NLGN1: variants seen among roughly 807,000 people sequenced by gnomAD.
The protein encoded by NLGN1 is neuroligin-1.
In NLGN1, 12 loss-of-function variants were observed where a neutral mutation model predicts 65.5. The observed-to-expected ratio is 0.18, with a 90% CI of 0.12 to 0.30. The LOEUF (loss-of-function observed/expected upper bound fraction) is 0.30. Among genes scored for constraint, NLGN1 ranks in the 10% least tolerant of loss-of-function variants. NLGN1 has a pLI of 1.00. For missense variants in NLGN1, 750 were observed against 1,007.1 expected (o/e 0.74, Z 3.46); for synonymous variants, 350 against 359.5 (o/e 0.97, Z 0.30).
chr3:173,916,755 A>G (rs1410108862), intron 4 of NLGN1, among the ~76,000 whole-genome samples: 1 of 152,180 alleles, frequency 6.6e-6, no homozygotes, highest in Admixed American at 6.5e-5. Flanking sequence ...GTTCTAGTTT[A>G]TCCATAAAGA....
At chr3:173,437,337 C>T (rs1488474122) in intron 2 of NLGN1, among the ~76,000 whole-genome samples, 1 of 152,170 alleles carries the variant, frequency 6.6e-6, no homozygotes, top group Non-Finnish European at 1.5e-5. Context: ...AGGACTTGGT[C>T]ATCTACTGTA....
chr3:173,595,904 A>C (rs1445184642), intron 2 of NLGN1, among the ~76,000 whole-genome samples: 2 of 152,212 alleles, frequency 1.3e-5, no homozygotes, highest in Admixed American at 1.3e-4. Context: ...CCCATGATTC[A>C]AATTATCTCC....
At chr3:173,450,668 G>T (rs564139332) in intron 2 of NLGN1, among the ~76,000 whole-genome samples, 1 of 152,154 alleles carries the variant, frequency 6.6e-6, no homozygotes, top group Non-Finnish European at 1.5e-5. Context: ...TTCCAACTTG[G>T]TTCCATTCTC....
chr3:173,834,489 T>C (rs539445622), intron 4 of NLGN1, among the ~76,000 whole-genome samples: 7 of 152,270 alleles, frequency 4.6e-5, no homozygotes, highest in African/African-American at 1.4e-4. Context: ...AACAGGTGTT[T>C]TCCATTTATT....
At chr3:174,001,176 G>A (rs1056275762) in intron 4 of NLGN1, among the ~76,000 whole-genome samples, 2 of 152,010 alleles carry the variant, frequency 1.3e-5, no homozygotes, top group Non-Finnish European at 2.9e-5. Context: ...AATTGAAATG[G>A]GTTTTTGAAT....
chr3:173,559,222 C>T (rs905065501), intron 2 of NLGN1, among the ~76,000 whole-genome samples: 3 of 152,276 alleles, frequency 2.0e-5, no homozygotes, highest in African/African-American at 7.2e-5. Flanking sequence ...TTTTCCACTA[C>T]TGGTTTCTTG....
intron 4 of NLGN1, among the ~76,000 whole-genome samples, chr3:174,269,316 CATTAA>C (rs545554999): frequency 4.1e-4 from 62 of 152,094 alleles, no homozygotes; most frequent in African/African-American, 1.4e-3. Context: ...ACTCTATACT[CATTAA>C]ATACTAATTC....
intron 4 of NLGN1, among the ~76,000 whole-genome samples, chr3:174,005,229 A>G (rs1402256157): frequency 6.6e-6 from 1 of 152,144 alleles, no homozygotes; most frequent in Non-Finnish European, 1.5e-5. Context: ...TGTATGTCCC[A>G]TTAATTATGA....
At position 174,157,836 on chromosome 3, in the gene NLGN1, A is replaced by G. The variant is rs549766347; in HGVS notation, c.647-117479A>G. The stretch of plus-strand genomic sequence containing the variant: ...GAGATAAAAGTTTAGAAGCAGCATC[A>G]TAAGTGTATATAAGATATTTCCTTA... On this transcript the variant is annotated intron_variant, in intron 4 of 6. Transcript: ENST00000457714. Among the ~76,000 whole-genome samples, 12 of 151,944 alleles carry G rather than the reference A, an allele frequency of 7.9e-5. No homozygotes were observed. In the East Asian group the frequency reaches 1.4e-3, roughly 17 times the overall value.
chr3:173,661,920 CT>C (rs1369250446), intron 3 of NLGN1, among the ~76,000 whole-genome samples: 2 of 152,004 alleles, frequency 1.3e-5, no homozygotes, highest in African/African-American at 4.8e-5. Flanking sequence ...CATTTGGAAC[CT>C]TGGCGAATCA....
At chr3:173,948,386 GT>G (rs1747580903) in intron 4 of NLGN1, among the ~76,000 whole-genome samples, 2 of 152,174 alleles carry the variant, frequency 1.3e-5, no homozygotes, top group African/African-American at 4.8e-5. Flanking sequence ...TCCAACATGT[GT>G]TTTGTTGATT....
rs1410098146 is a variant in NLGN1, at chr3:173,943,410, A to C, written c.646+135578A>C. 2.0e-5 allele frequency among the ~76,000 whole-genome samples: 3 copies of C among 152,202 alleles called. No homozygotes were observed. The East Asian group carries it at 5.8e-4, about 29-fold the overall frequency. On this transcript the variant is annotated intron_variant, in intron 4 of 6. Transcript: ENST00000457714. ...CAAACAGCTCTTAAGGCTTCAGGGC[A>C]GCCCCTACAACTCTCACCTAGAAAA...
At position 173,838,612 on chromosome 3, in the gene NLGN1, G is replaced by T. The variant is rs898825679; in HGVS notation, c.646+30780G>T. Among the ~76,000 whole-genome samples the T allele has an allele frequency of 2.0e-5, 3 of 152,104 alleles. No individual in the cohort carries two copies. The East Asian group carries it at 5.8e-4, about 29-fold the overall frequency. On this transcript the variant is annotated intron_variant, in intron 4 of 6. Transcript: ENST00000457714. The stretch of plus-strand genomic sequence containing the variant: ...CTGGACTCCCAGCCTCTAAATCCCT[G>T]CCTGTCAAAAGAGAGACTTTAAAAA...
intron 3 of NLGN1, among the ~76,000 whole-genome samples, chr3:173,705,724 G>T (rs983460783): frequency 1.3e-5 from 2 of 152,152 alleles, no homozygotes; most frequent in Admixed American, 6.5e-5. Flanking sequence ...GGTCGTCATG[G>T]AGAAAGCCTA....
intron 2 of NLGN1, among the ~76,000 whole-genome samples, chr3:173,528,229 G>A (rs186703087): frequency 1.3e-5 from 2 of 152,094 alleles, no homozygotes; most frequent in East Asian, 3.9e-4. Flanking sequence ...AGTCTGGCAG[G>A]GTATAAAACT....
At chr3:174,259,726 C>T (rs1371226396) in intron 4 of NLGN1, among the ~76,000 whole-genome samples, 1 of 151,256 alleles carries the variant, frequency 6.6e-6, no homozygotes, top group Non-Finnish European at 1.5e-5. Context: ...GGTACATGTG[C>T]ACATTGTGCA....
intron 4 of NLGN1, among the ~76,000 whole-genome samples, chr3:174,022,979 C>T (rs1271167878): frequency 6.6e-6 from 1 of 152,022 alleles, no homozygotes; most frequent in Non-Finnish European, 1.5e-5. Context: ...TTATGTTATA[C>T]TTCAATACAA....
At chr3:174,268,116 T>G (rs772108505) in intron 4 of NLGN1, among the ~76,000 whole-genome samples, 2 of 152,194 alleles carry the variant, frequency 1.3e-5, no homozygotes, top group Non-Finnish European at 2.9e-5. Flanking sequence ...AATGTCATGC[T>G]TCGAAGTGCA....
chr3:173,515,761 T>C (rs1733711838), intron 2 of NLGN1, among the ~76,000 whole-genome samples: 1 of 152,096 alleles, frequency 6.6e-6, no homozygotes, highest in African/African-American at 2.4e-5. Flanking sequence ...GTACTTGGTA[T>C]TCTTTTCTTT....
Sources: gnomAD v4.1 joint callset for allele counts (sites outside exome capture counted in the v4.1 genomes callset) on GRCh38, gnomAD v4.1.1 for gene constraint, MANE v1.5 for transcripts, NCBI Gene and HGNC (gene_info 2026-07-23, HGNC 2026-07-21) for gene names.